Variants in PKP4 observed in about 807,000 individuals in gnomAD.
PKP4 encodes the protein plakophilin-4.
Under a neutral mutation model 145.1 loss-of-function variants are expected in PKP4, and 90 were observed. The ratio of observed to expected loss-of-function variants is 0.62; its 90% CI spans 0.52 to 0.74. PKP4 has a LOEUF of 0.74. Among genes scored for constraint, PKP4 ranks in the 30% least tolerant of loss-of-function variants. The pLI is 0.00. For synonymous variants in PKP4, 563 were observed against 577.2 expected (o/e 0.98, Z 0.35); for missense variants, 1,340 against 1,482.7 (o/e 0.90, Z 1.58).
chr2:158,677,799 AG>A (rs773303384), intron 20 of PKP4, among the ~76,000 whole-genome samples: 6 of 152,234 alleles, frequency 3.9e-5, no homozygotes, highest in Non-Finnish European at 8.8e-5. Context: ...TACCAACTGA[AG>A]TGCATGGTTG....
At chr2:158,630,494 T>C (rs997987157) in intron 7 of PKP4, among the ~76,000 whole-genome samples, 1 of 152,260 alleles carries the variant, frequency 6.6e-6, no homozygotes, top group Non-Finnish European at 1.5e-5. Flanking sequence ...TATTTCATAA[T>C]AATGTTAGTT....
At chr2:158,679,836 G>A (rs972245602) in intron 21 of PKP4, among the ~76,000 whole-genome samples, 1 of 152,188 alleles carries the variant, frequency 6.6e-6, no homozygotes. Context: ...CCTTGAGATT[G>A]CTTATTCCTT....
intron 1 of PKP4, among the ~76,000 whole-genome samples, chr2:158,497,295 T>TA (rs1343440100): frequency 1.3e-5 from 2 of 149,726 alleles, no homozygotes; most frequent in African/African-American, 4.8e-5. Context: ...CTTTCAGTGT[T>TA]ACGCAGTATT....
In PKP4 at chr2:158,461,940, C is replaced by T. The variant is rs139401499; in HGVS notation, c.-6+4722C>T. On this transcript the variant is annotated intron_variant, in intron 1 of 21. Transcript: ENST00000389759. Reference sequence around the variant, plus strand: ...AATGTAGACATTGGTGTCCTGTATTCCAGGTTGAATTTAAAACAGGTATGG... The same window carrying T: ...AATGTAGACATTGGTGTCCTGTATTTCAGGTTGAATTTAAAACAGGTATGG... Among the ~76,000 whole-genome samples the T allele has an allele frequency of 5.9e-5, 9 of 152,182 alleles. No individual in the cohort carries two copies. In the East Asian group the frequency reaches 1.7e-3, roughly 29 times the overall value.
chr2:158,675,885 T>G (rs1276398478), intron 19 of PKP4, among the ~76,000 whole-genome samples: 1 of 152,226 alleles, frequency 6.6e-6, no homozygotes, highest in East Asian at 1.9e-4. Context: ...GGGCTGTTGC[T>G]TTCGAGTGTA....
intron 17 of PKP4, among the ~76,000 whole-genome samples, chr2:158,670,736 G>A (rs925564155): frequency 6.6e-6 from 1 of 152,188 alleles, no homozygotes; most frequent in Non-Finnish European, 1.5e-5. Flanking sequence ...CTCTGCAGCA[G>A]GGCTGCTGTG....
intron 1 of PKP4, among the ~76,000 whole-genome samples, chr2:158,531,175 TC>T (rs1559282400): frequency 6.6e-6 from 1 of 152,166 alleles, no homozygotes; most frequent in Non-Finnish European, 1.5e-5. Context: ...ATAATATAAT[TC>T]TATGTCTTTT....
At chr2:158,654,186 GT>G (rs1337399696) in intron 11 of PKP4, among the ~76,000 whole-genome samples, 4 of 152,198 alleles carry the variant, frequency 2.6e-5, no homozygotes, top group African/African-American at 9.7e-5. Flanking sequence ...CATACCGAAG[GT>G]TGCAACTCTT....
rs575916810 is a variant in PKP4 at position 158,596,636 on chromosome 2, A to AG, written c.246-6434_246-6433insG. On this transcript the variant is annotated intron_variant, in intron 3 of 21. Transcript: ENST00000389759. The stretch of plus-strand genomic sequence containing the variant: ...TGAGACCTTGTCTCTTTAAAAAAAA[A>AG]AAAAGAAAAGAATATTGTAATATTG... Among the ~76,000 whole-genome samples the AG allele has an allele frequency of 2.7e-3, 411 of 151,972 alleles. 2 individuals carry two copies. Among genetic ancestry groups the AG allele is most frequent in the African/African-American group, 9.5e-3 (393 of 41,464 alleles).
Position 158,526,885 on chromosome 2 carries a change from A to G in PKP4, c.-5-6295A>G, listed in dbSNP as rs1028593682. On this transcript the variant is annotated intron_variant, in intron 1 of 21. Transcript: ENST00000389759. ...AATCATGAGTGAACTCCCATTCACA[A>G]TTGCTTCAAAGAGAATAAAATACCT... 1.1e-4 allele frequency among the ~76,000 whole-genome samples: 7 copies of G among 65,730 alleles called. 1 individual carries two copies. The highest frequency in any genetic ancestry group is 1.3e-4 in the African/African-American group (2 of 15,294). The allele number at this position is 65,730 out of a possible 152,430, so 43.1% of individuals were successfully genotyped here.
chr2:158,625,889 T>C (rs1412753488), intron 7 of PKP4, among the ~76,000 whole-genome samples: 1 of 152,184 alleles, frequency 6.6e-6, no homozygotes, highest in Non-Finnish European at 1.5e-5. Context: ...AGACTATGAA[T>C]TTTATCCCCT....
intron 11 of PKP4, among the ~76,000 whole-genome samples, chr2:158,648,400 C>CA (rs2055026649): frequency 6.6e-6 from 1 of 152,172 alleles, no homozygotes; most frequent in South Asian, 2.1e-4. Context: ...TAAGGTTTAA[C>CA]AAAGGGCAGA....
chr2:158,625,145 G>A lies in PKP4; in HGVS notation c.871G>A (p.Val291Ile), dbSNP rs2052642056. Reference protein sequence around the residue: ...SPTAIRRIGSVTSRQTSNPNG... With the variant: ...SPTAIRRIGSITSRQTSNPNG... ...AACAGCTATACGGCGGATTGGGTCA[G>A]TCACCTCCCGGCAGACCTCCAATCC... is the stretch of plus-strand genomic sequence containing the variant. Residue 291 changes from valine to isoleucine, a missense_variant, in exon 7 of 22, where the codon GTC (valine) becomes ATC (isoleucine). By Grantham distance (29) the Val-to-Ile change is conservative. Transcript: ENST00000389759. The A allele has an allele frequency of 1.9e-6, 3 of 1,614,128 alleles. No homozygotes were observed. The highest frequency in any genetic ancestry group is 2.5e-6 in the Non-Finnish European group (3 of 1,180,014).
In PKP4 at chr2:158,596,688, G is replaced by A. The variant is rs1224778230; in HGVS notation, c.246-6382G>A. 4.6e-5 allele frequency among the ~76,000 whole-genome samples: 7 copies of A among 151,930 alleles called. No homozygotes were observed. In the South Asian group the frequency reaches 1.2e-3, roughly 27 times the overall value. ...AAAAAACTATGGTGTGACAGTGAAA[G>A]TAGATCATGTAACGCTACTCATTTG... is the stretch of plus-strand genomic sequence containing the variant. On this transcript the variant is annotated intron_variant, in intron 3 of 21. Coordinates refer to ENST00000389759, the MANE Select transcript of PKP4 (RefSeq NM_003628.6).
At chr2:158,513,386 G>T (rs564280727) in intron 1 of PKP4, among the ~76,000 whole-genome samples, 73 of 152,262 alleles carry the variant, frequency 4.8e-4, no homozygotes, top group Non-Finnish European at 7.9e-4. Context: ...GGCAATACCC[G>T]AGTACATCTT....
chr2:158,523,695 G>A (rs1274153085), intron 1 of PKP4, among the ~76,000 whole-genome samples: 1 of 132,682 alleles, frequency 7.5e-6, no homozygotes, highest in African/African-American at 3.1e-5. Context: ...AGCTACGGGA[G>A]GACATTCAAA....
chr2:158,598,004 T>C (rs1185131322), intron 3 of PKP4, among the ~76,000 whole-genome samples: 2 of 152,012 alleles, frequency 1.3e-5, no homozygotes, highest in Non-Finnish European at 2.9e-5. Context: ...TTTAAACTTT[T>C]TTGTAGAGAT....
intron 1 of PKP4, among the ~76,000 whole-genome samples, chr2:158,527,246 C>T (rs2043040799): frequency 6.9e-6 from 1 of 145,166 alleles, no homozygotes; most frequent in Non-Finnish European, 1.5e-5. Context: ...TACTACAAGG[C>T]TACAGTAACC....
chr2:158,615,770 A>G (rs2051543355), intron 4 of PKP4, among the ~76,000 whole-genome samples: 3 of 152,226 alleles, frequency 2.0e-5, no homozygotes, highest in African/African-American at 7.2e-5. Context: ...TTCAAGACAG[A>G]CTAGTTGATG....
Sources: allele counts gnomAD v4.1 joint callset (sites outside exome capture counted in the v4.1 genomes callset), GRCh38; gene constraint gnomAD v4.1.1; transcripts MANE v1.5; gene names NCBI Gene and HGNC (gene_info 2026-07-23, HGNC 2026-07-21).